GTSE1: variants seen among roughly 807,000 people sequenced by gnomAD.
GTSE1 encodes G2 and S-phase expressed 1.
Under a neutral mutation model 60.5 loss-of-function variants are expected in GTSE1, and 52 were observed. The ratio of observed to expected loss-of-function variants is 0.86; its 90% CI spans 0.69 to 1.08. The LOEUF (loss-of-function observed/expected upper bound fraction) is 1.08, where lower values mean the gene tolerates loss of function less well. Among genes scored for constraint, GTSE1 ranks in the 50% least tolerant of loss-of-function variants. GTSE1 has a pLI of 0.00. For missense variants in GTSE1, 937 were observed against 961.8 expected, an observed-to-expected ratio of 0.97 and a Z score of 0.34; for synonymous variants, 368 against 386.5, an observed-to-expected ratio of 0.95 and a Z score of 0.56.
Position 46,328,744 on chromosome 22 carries a change from C to A in GTSE1, c.1781C>A (p.Ser594Tyr), listed in dbSNP as rs150583872. Reference protein sequence around the residue: ...RKTDSRLVDVSPDRGSPPSRV... With the variant: ...RKTDSRLVDVYPDRGSPPSRV... ...ACAGATTCCAGGCTGGTGGATGTGT[C>A]CCCTGACAGGGGTTCTCCTCCTTCC... The change falls in exon 10 of 12, where the codon TCC becomes TAC. Residue 594 changes from serine to tyrosine, a missense_variant. Ser to Tyr is a moderately radical substitution (Grantham distance 144). Transcript: ENST00000454366. 19 of 1,613,750 alleles carry A rather than the reference C, an allele frequency of 1.2e-5. No individual in the cohort carries two copies. The highest frequency in any genetic ancestry group is 1.4e-5 in the Non-Finnish European group (17 of 1,179,734).
chr22:46,313,991 C>T lies in GTSE1; in HGVS notation c.1029C>T (p.Cys343=). The change falls in exon 6 of 12, where the codon TGC becomes TGT. Residue 343 remains cysteine, a synonymous_variant. Coordinates refer to ENST00000454366, the MANE Select transcript of GTSE1 (RefSeq NM_016426.7). This position sits in a 1 kb window ranked among gnomAD's most constrained non-coding sequence, Gnocchi z 4.4. The part of the protein sequence containing the change: ...GPVWSGASSA[C]TSPAVGKAKS... ...TTTGGAGCGGGGCATCCAGTGCGTG[C>T]ACATCCCCAGCAGTGGGCAAAGGTG... 1 of 1,614,148 alleles carries T rather than the reference C, an allele frequency of 6.2e-7. No individual in the cohort carries two copies. Among genetic ancestry groups the T allele is most frequent in the Non-Finnish European group, 8.5e-7 (1 of 1,179,972 alleles).
At chr22:46,311,014 G>A (rs2077745016) in intron 4 of GTSE1, among the ~76,000 whole-genome samples, 1 of 152,098 alleles carries the variant, frequency 6.6e-6, no homozygotes, top group African/African-American at 2.4e-5. Context: ...CCCTAGGTGG[G>A]GCTGGGGAGG....
chr22:46,327,543 C>G (rs1363996832), intron 9 of GTSE1, among the ~76,000 whole-genome samples: 2 of 152,128 alleles, frequency 1.3e-5, no homozygotes, highest in Non-Finnish European at 2.9e-5. Context: ...ATCATGGTGG[C>G]ATGCGCCTGT....
chr22:46,329,647 C>G lies in GTSE1; in HGVS notation c.2136+80C>G. 8.9e-7 allele frequency: 1 copy of G among 1,123,750 alleles called. No individual in the cohort carries two copies. The highest frequency in any genetic ancestry group is 1.3e-6 in the Non-Finnish European group (1 of 742,388). 69.6% of individuals were successfully genotyped at this position (1,123,750 alleles called of 1,614,324 possible). On this transcript the variant is annotated intron_variant, in intron 11 of 11. Coordinates refer to ENST00000454366, the MANE Select transcript of GTSE1 (RefSeq NM_016426.7). The surrounding 1 kb of genome is among the most constrained non-coding windows in gnomAD (Gnocchi z 6.4). ...GGATTGTTCATCCTCCCAGGGCCAT[C>G]GTGGGACCCTTGAGAGTGGCTGTTG...
At position 46,323,041 on chromosome 22, in the gene GTSE1, C is replaced by T. The variant is rs946512315; in HGVS notation, c.1433-149C>T. 7.3e-6 allele frequency: 5 copies of T among 680,712 alleles called. No individual in the cohort carries two copies. The African/African-American group carries it at 8.8e-5, about 12-fold the overall frequency. The allele number at this position is 680,712 out of a possible 1,614,324, so 42.2% of individuals were successfully genotyped here. On this transcript the variant is annotated intron_variant, in intron 7 of 11. Transcript: ENST00000454366. ...TGTGGCTGCCTGCAGCAGGGTGGCC[C>T]TTTGTGTACTTGTCTGAGCCAGTGC...
At chr22:46,325,496 A>G (rs890777656) in intron 8 of GTSE1, among the ~76,000 whole-genome samples, 1 of 151,178 alleles carries the variant, frequency 6.6e-6, no homozygotes, top group Non-Finnish European at 1.5e-5. Flanking sequence ...CGCCCGGCCT[A>G]TGTTTGTTTA....
chr22:46,322,622 C>T (rs1479492030), intron 7 of GTSE1, among the ~76,000 whole-genome samples: 2 of 152,202 alleles, frequency 1.3e-5, no homozygotes, highest in Non-Finnish European at 2.9e-5. Context: ...CCCCTTTGCC[C>T]TCTGAGCCTG....
Position 46,309,009 on chromosome 22 carries a change from A to G in GTSE1, c.762+66A>G, listed in dbSNP as rs1569039471. ...TCCTTGCCCCTCAGCCCTCTCACAG[A>G]AGCCACATGCGGAAAGCCTCAGAGG... On this transcript the variant is annotated intron_variant, in intron 4 of 11. Coordinates refer to ENST00000454366, the MANE Select transcript of GTSE1 (RefSeq NM_016426.7). This position sits in a 1 kb window ranked among gnomAD's most constrained non-coding sequence, Gnocchi z 6.2. The G allele has an allele frequency of 9.2e-6, 14 of 1,516,738 alleles. No homozygotes were observed. The highest frequency in any genetic ancestry group is 2.1e-4 in the Middle Eastern group (1 of 4,834). The allele number at this position is 1,516,738 out of a possible 1,614,324, so 94.0% of individuals were successfully genotyped here.
rs1272452049 is a variant in GTSE1 at position 46,301,842 on chromosome 22, G to A, written c.79+4363G>A. Among the ~76,000 whole-genome samples, 4 of 152,156 alleles carry A rather than the reference G, an allele frequency of 2.6e-5. No homozygotes were observed. The South Asian group carries it at 6.2e-4, about 24-fold the overall frequency. ...AACTTCTTGCCATCTATTTAAGAATGTTTCGGCCAGGTGCGGTGGCTTGCG... is the reference window on the plus strand; with the variant it reads ...AACTTCTTGCCATCTATTTAAGAATATTTCGGCCAGGTGCGGTGGCTTGCG... On this transcript the variant is annotated intron_variant, in intron 2 of 11. Transcript: ENST00000454366.
chr22:46,311,044 C>T (rs781625247), intron 4 of GTSE1, among the ~76,000 whole-genome samples: 1 of 151,330 alleles, frequency 6.6e-6, no homozygotes, highest in African/African-American at 2.4e-5. Flanking sequence ...AGGGGAGAAC[C>T]GCTAATGGGT....
In GTSE1 at chr22:46,316,098, C is replaced by T; in HGVS notation, c.1118C>T (p.Ser373Leu). ...CGGCCTCTGTCAAACATCAGCAAGT[C>T]AGGCAGAATGGGACCCGCCATGCTG... ...SSRPLSNISK[S>L]GRMGPAMLRP... is the part of the protein sequence containing the mutation. The change falls in exon 7 of 12, where the codon TCA (serine) becomes TTA (leucine). Residue 373 changes from serine (S) to leucine (L), a missense_variant. By Grantham distance (145) the Ser-to-Leu change is moderately radical. Coordinates refer to ENST00000454366, the MANE Select transcript of GTSE1 (RefSeq NM_016426.7). This position sits in a 1 kb window ranked among gnomAD's most constrained non-coding sequence, Gnocchi z 5.0. 2 of 1,551,342 alleles carry T rather than the reference C, an allele frequency of 1.3e-6. No individual in the cohort carries two copies. The highest frequency in any genetic ancestry group is 2.3e-5 in the East Asian group (1 of 43,972).
chr22:46,312,911 T>A (rs1200895472), intron 5 of GTSE1, among the ~76,000 whole-genome samples: 2 of 150,208 alleles, frequency 1.3e-5, no homozygotes, highest in African/African-American at 4.9e-5. Context: ...ACATGTAATC[T>A]CAGCACTTTG....
rs1209084468 is a variant in GTSE1, at chr22:46,329,152, T to C, written c.1927-206T>C. On this transcript the variant is annotated intron_variant, in intron 10 of 11. Coordinates refer to ENST00000454366, the MANE Select transcript of GTSE1 (RefSeq NM_016426.7). The surrounding 1 kb of genome is among the most constrained non-coding windows in gnomAD (Gnocchi z 6.4). ...CAGGGTGGCAGGAGCTGGTGGCTGC[T>C]GGTGAGCGGGTATGGACAGGGAGGT... 6.3e-6 allele frequency: 4 copies of C among 635,344 alleles called. No homozygotes were observed. Among genetic ancestry groups the C allele is most frequent in the Non-Finnish European group, 1.1e-5 (4 of 359,966 alleles). The allele number at this position is 635,344 out of a possible 1,614,324, so 39.4% of individuals were successfully genotyped here.
chr22:46,310,703 C>T lies in GTSE1; in HGVS notation c.763-1438C>T, dbSNP rs1015648928. 2.0e-5 allele frequency among the ~76,000 whole-genome samples: 3 copies of T among 152,104 alleles called. No homozygotes were observed. Among genetic ancestry groups the T allele is most frequent in the Admixed American group, 6.5e-5 (1 of 15,274 alleles). On this transcript the variant is annotated intron_variant, in intron 4 of 11. Coordinates refer to ENST00000454366, the MANE Select transcript of GTSE1 (RefSeq NM_016426.7). The surrounding 1 kb of genome is among the most constrained non-coding windows in gnomAD (Gnocchi z 4.4). ...CAGCACTTTGGGAAGCCAAGGTGGG[C>T]GAATCACCTGAGGTCAGGAGTTTGA...
At chr22:46,306,969 T>G (rs1054402805) in intron 2 of GTSE1, among the ~76,000 whole-genome samples, 5 of 152,208 alleles carry the variant, frequency 3.3e-5, no homozygotes, top group Non-Finnish European at 5.9e-5. Flanking sequence ...TATAGTCTAG[T>G]TGGGGCCATA....
intron 2 of GTSE1, among the ~76,000 whole-genome samples, chr22:46,305,469 C>T (rs543149539): frequency 4.0e-5 from 6 of 151,844 alleles, no homozygotes; most frequent in African/African-American, 4.8e-5. Flanking sequence ...ATTAGCTGGG[C>T]GTGGTAGCAC....
Position 46,315,169 on chromosome 22 carries a change from C to T in GTSE1, c.1052-863C>T, listed in dbSNP as rs1179594330. Among the ~76,000 whole-genome samples, 4 of 152,024 alleles carry T rather than the reference C, an allele frequency of 2.6e-5. No individual in the cohort carries two copies. In the East Asian group the frequency reaches 7.7e-4, roughly 29 times the overall value. ...TGCCTCCCGGGTTCGAGTGATTCTC[C>T]TGCCTCAGCCTCCCAAGTAGCTGGG... On this transcript the variant is annotated intron_variant, in intron 6 of 11. Coordinates refer to ENST00000454366, the MANE Select transcript of GTSE1 (RefSeq NM_016426.7).
chr22:46,324,377 T>C lies in GTSE1; in HGVS notation c.1505+1115T>C, dbSNP rs889771977. Among the ~76,000 whole-genome samples the C allele has an allele frequency of 6.6e-6, 1 of 151,306 alleles. No homozygotes were observed. Among genetic ancestry groups the C allele is most frequent in the African/African-American group, 2.4e-5 (1 of 41,194 alleles). On this transcript the variant is annotated intron_variant, in intron 8 of 11. Transcript: ENST00000454366. This position sits in a 1 kb window ranked among gnomAD's most constrained non-coding sequence, Gnocchi z 5.2. ...TTATTGGAATTTTTCTTTTCTTTTC[T>C]TTTTTTTTGAGACAGAGTCTCACTC... is the stretch of plus-strand genomic sequence containing the variant.
At chr22:46,301,230 C>T (rs1266827407) in intron 2 of GTSE1, among the ~76,000 whole-genome samples, 5 of 152,220 alleles carry the variant, frequency 3.3e-5, no homozygotes, top group Non-Finnish European at 5.9e-5. Flanking sequence ...TGTAACTGCA[C>T]AACACATTGC....
Sources: gnomAD v4.1 joint callset for allele counts (sites outside exome capture counted in the v4.1 genomes callset) on GRCh38, gnomAD v4.1.1 for gene constraint, Gnocchi (gnomAD v3.1) non-coding constraint, MANE v1.5 for transcripts, NCBI Gene and HGNC (gene_info 2026-07-23, HGNC 2026-07-21) for gene names.